KIF1A: variants seen among roughly 807,000 people sequenced by gnomAD.
KIF1A encodes kinesin-like protein KIF1A.
Under a neutral mutation model 227.3 loss-of-function variants are expected in KIF1A, and 46 were observed. That is an observed-to-expected ratio of 0.20 (90% CI 0.16 to 0.26). The LOEUF (loss-of-function observed/expected upper bound fraction) is 0.26, where lower values mean the gene tolerates loss of function less well. Ranked by LOEUF, KIF1A falls within the 10% of genes least tolerant of loss-of-function variation. KIF1A has a pLI of 1.00. For missense variants in KIF1A, 1,683 were observed against 2,485.9 expected (o/e 0.68, Z 6.87); for synonymous variants, 1,022 against 1,012.8 (o/e 1.01, Z -0.17).
At chr2:240,817,902 C>T (rs562034794) in intron 1 of KIF1A, among the ~76,000 whole-genome samples, 14 of 152,352 alleles carry the variant, frequency 9.2e-5, no homozygotes, top group Middle Eastern at 3.4e-3. Flanking sequence ...ACAGGCTGGG[C>T]GGCCGGGCAG....
rs201314877 is a variant in KIF1A at position 240,785,051 on chromosome 2, C to T, written c.658G>A (p.Val220Ile). 31 of 1,613,540 alleles carry T rather than the reference C, an allele frequency of 1.9e-5. No homozygotes were observed. The highest frequency in any genetic ancestry group is 4.5e-5 in the East Asian group (2 of 44,878). ...TTCTGGGTGAAGATGATGTTGAAGA[C>T]GGCGTGGGAGCGACTGCTGGTCTCA... is the stretch of plus-strand genomic sequence containing the variant. ...MNETSSRSHA[V>I]FNIIFTQKRH... Residue 220 changes from valine to isoleucine, a missense_variant, in exon 7 of 49, where the codon GTC (valine) becomes ATC (isoleucine). Coordinates refer to ENST00000498729, the MANE Select transcript of KIF1A (RefSeq NM_001244008.2).
chr2:240,729,219 C>T (rs1166220620), intron 38 of KIF1A, among the ~76,000 whole-genome samples: 1 of 149,590 alleles, frequency 6.7e-6, no homozygotes, highest in Admixed American at 6.6e-5. Flanking sequence ...CTGCTGGGCC[C>T]AAGCATTCGG....
chr2:240,771,805 C>G (rs1275493186), intron 14 of KIF1A, among the ~76,000 whole-genome samples: 25 of 152,234 alleles, frequency 1.6e-4, no homozygotes, highest in Non-Finnish European at 5.9e-5. Flanking sequence ...TTCCCCTCCA[C>G]CACGAGGAGC....
chr2:240,805,389 C>G (rs563013360), intron 1 of KIF1A, among the ~76,000 whole-genome samples: 1 of 152,102 alleles, frequency 6.6e-6, no homozygotes, highest in Non-Finnish European at 1.5e-5. Flanking sequence ...AGCAGACATG[C>G]TAATCAGCAA....
At chr2:240,786,975 A>G (rs2055019325) in intron 5 of KIF1A, among the ~76,000 whole-genome samples, 1 of 152,148 alleles carries the variant, frequency 6.6e-6, no homozygotes, top group South Asian at 2.1e-4. Context: ...CACGGCAGGC[A>G]TGGCCAGGCC....
At position 240,790,284 on chromosome 2, in the gene KIF1A, C is replaced by T. The variant is rs2055499668; in HGVS notation, c.107-972G>A. 6.6e-6 allele frequency among the ~76,000 whole-genome samples: 1 copy of T among 152,156 alleles called. No homozygotes were observed. Among genetic ancestry groups the T allele is most frequent in the South Asian group, 2.1e-4 (1 of 4,826 alleles). On this transcript the variant is annotated intron_variant, in intron 2 of 48. Coordinates refer to ENST00000498729, the MANE Select transcript of KIF1A (RefSeq NM_001244008.2). This position sits in a 1 kb window ranked among gnomAD's most constrained non-coding sequence, Gnocchi z 5.0. ...TTCTCACACCCAGGAGGAACACTGG[C>T]CATTCCTGGTCAGGGAGCCCCCGGA...
chr2:240,804,261 G>A lies in KIF1A; in HGVS notation c.-60-6449C>T, dbSNP rs111630229. Among the ~76,000 whole-genome samples the A allele has an allele frequency of 1.9e-3, 283 of 152,228 alleles. 1 individual carries two copies. The highest frequency in any genetic ancestry group is 5.6e-3 in the African/African-American group (233 of 41,536). On this transcript the variant is annotated intron_variant, in intron 1 of 48. Transcript: ENST00000498729. ...AGCCTGGGTGACAGAGCGAGACTCC[G>A]TCTCAAAAAAGTAATAATAATAACA...
intron 19 of KIF1A, 59 bp from the exon 20 acceptor site, chr2:240,765,852 G>T: frequency 1.5e-6 from 2 of 1,321,528 alleles, no homozygotes; most frequent in Non-Finnish European, 2.2e-6. Flanking sequence ...ACCTACAGCA[G>T]CTCGGCTTAC....
rs1338564562 is a variant in KIF1A at position 240,714,096 on chromosome 2, G to A, written c.*3268C>T. ...GGGGTAAGGGAGTGTGCCTTCCGTGGTCCCCACATGGGTGAGGCTGGCATA... is the reference window on the plus strand; with the variant it reads ...GGGGTAAGGGAGTGTGCCTTCCGTGATCCCCACATGGGTGAGGCTGGCATA... On this transcript the variant is annotated 3_prime_UTR_variant, in exon 49 of 49. Coordinates refer to ENST00000498729, the MANE Select transcript of KIF1A (RefSeq NM_001244008.2). 6.6e-6 allele frequency: 1 copy of A among 152,454 alleles called. No individual in the cohort carries two copies. Among genetic ancestry groups the A allele is most frequent in the East Asian group, 1.9e-4 (1 of 5,284 alleles). 9.4% of individuals were successfully genotyped at this position (152,454 alleles called of 1,614,324 possible).
chr2:240,815,102 T>C (rs756690946), intron 1 of KIF1A, among the ~76,000 whole-genome samples: 1 of 152,164 alleles, frequency 6.6e-6, no homozygotes, highest in Non-Finnish European at 1.5e-5. Context: ...CCCAAGGACC[T>C]GCACCCATGG....
chr2:240,791,271 G>A (rs977252675), intron 2 of KIF1A, among the ~76,000 whole-genome samples: 9 of 152,252 alleles, frequency 5.9e-5, no homozygotes, highest in African/African-American at 1.2e-4. Flanking sequence ...ATCAACCAGC[G>A]CTGTGGAAAC....
Position 240,763,073 on chromosome 2 carries a change from G to T in KIF1A, c.1968C>A (p.Asp656Glu). ...CCTCCTCCCGCTCGCGGCGGTACTG[G>T]TCCTCCAGTTCCTGGAGCCTGCAAG... is the stretch of plus-strand genomic sequence containing the variant. Reference protein sequence around the residue: ...EMEQRLQELEDQYRREREEAT... With the variant: ...EMEQRLQELEEQYRREREEAT... Residue 656 changes from aspartate (D) to glutamate (E), a missense_variant, in exon 22 of 49, where the codon GAC (aspartate) becomes GAA (glutamate). Coordinates refer to ENST00000498729, the MANE Select transcript of KIF1A (RefSeq NM_001244008.2). 1 of 1,573,198 alleles carries T rather than the reference G, an allele frequency of 6.4e-7. No homozygotes were observed.
intron 1 of KIF1A, among the ~76,000 whole-genome samples, chr2:240,817,040 C>T (rs945636907): frequency 1.3e-4 from 20 of 152,218 alleles, no homozygotes; most frequent in African/African-American, 4.1e-4. Context: ...AAGCTGGCTT[C>T]GTCAGGTGGG....
chr2:240,753,717 C>T (rs764603891), intron 27 of KIF1A, among the ~76,000 whole-genome samples: 7 of 152,228 alleles, frequency 4.6e-5, no homozygotes, highest in Non-Finnish European at 8.8e-5. Flanking sequence ...GCCATCTCAA[C>T]TCAACCAGCT....
chr2:240,741,450 G>T, intron 34 of KIF1A, 73 bp from the exon 35 acceptor site: 1 of 1,195,152 alleles, frequency 8.4e-7, no homozygotes, highest in East Asian at 2.8e-5. Context: ...CACTCAAGGA[G>T]GAGATGCCGG....
rs80021949 is a variant in KIF1A at position 240,718,924 on chromosome 2, C to T, written c.5214+82G>A. 0.024 allele frequency: 27,809 copies of T among 1,173,152 alleles called. 547 individuals carry two copies. The highest frequency in any genetic ancestry group is 0.066 in the African/African-American group (4,337 of 65,586). 72.7% of individuals were successfully genotyped at this position (1,173,152 alleles called of 1,614,324 possible). On this transcript the variant is annotated intron_variant, in intron 47 of 48. Transcript: ENST00000498729. ...TGAGCAGATGGGCCTCCTGCTCTGA[C>T]GCAGGGCTGCAGAGGATGGTGGCTC...
chr2:240,777,474 T>TC (rs994232553), intron 10 of KIF1A, among the ~76,000 whole-genome samples: 3 of 152,166 alleles, frequency 2.0e-5, no homozygotes, highest in Non-Finnish European at 4.4e-5. Flanking sequence ...CCCCTGGGTT[T>TC]CCTGCTCCCT....
At chr2:240,776,107 G>C (rs924673485) in intron 10 of KIF1A, among the ~76,000 whole-genome samples, 181 bp from the exon 11 acceptor site, 3 of 152,174 alleles carry the variant, frequency 2.0e-5, no homozygotes, top group Admixed American at 2.0e-4. Context: ...ACCCCAGGCC[G>C]CCACCCCAGA....
rs2055323325 is a variant in KIF1A, at chr2:240,789,116, G to T, written c.183+120C>A. On this transcript the variant is annotated intron_variant, in intron 3 of 48. Coordinates refer to ENST00000498729, the MANE Select transcript of KIF1A (RefSeq NM_001244008.2). The surrounding 1 kb of genome is among the most constrained non-coding windows in gnomAD (Gnocchi z 4.8). Reference sequence around the variant, plus strand: ...TCAGGGTGACCTTCCAGGGGAGCAGGGTGGGGTCCTCGCCCCAGTTAGAGA... The same window carrying T: ...TCAGGGTGACCTTCCAGGGGAGCAGTGTGGGGTCCTCGCCCCAGTTAGAGA... 3.9e-6 allele frequency: 3 copies of T among 770,416 alleles called. No individual in the cohort carries two copies. Among genetic ancestry groups the T allele is most frequent in the South Asian group, 3.2e-5 (2 of 62,094 alleles). The allele number at this position is 770,416 out of a possible 1,614,324, so 47.7% of individuals were successfully genotyped here.
Sources: gnomAD v4.1 joint callset for allele counts (sites outside exome capture counted in the v4.1 genomes callset) on GRCh38, gnomAD v4.1.1 for gene constraint, Gnocchi (gnomAD v3.1) non-coding constraint, MANE v1.5 for transcripts, NCBI Gene and HGNC (gene_info 2026-07-23, HGNC 2026-07-21) for gene names.